The following MEI4 variants were observed in gnomAD, a reference collection of about 807,000 sequenced individuals.
MEI4 encodes the protein meiotic double-stranded break formation protein 4, also known as meiosis-specific protein MEI4.
Under a neutral mutation model 31.4 loss-of-function variants are expected in MEI4, and 27 were observed. That is an observed-to-expected ratio of 0.86 (90% CI 0.63 to 1.19). MEI4 has a LOEUF of 1.19. Among genes scored for constraint, MEI4 ranks in the 50% most tolerant of loss-of-function variants. The probability of loss-of-function intolerance (pLI) is 0.00; values close to 1 mark genes in which losing one functional copy is unlikely to be tolerated. For synonymous variants in MEI4, 122 were observed against 145.4 expected, an observed-to-expected ratio of 0.84 and a Z score of 1.16; for missense variants, 329 against 398.9, an observed-to-expected ratio of 0.82 and a Z score of 1.49.
chr6:77,714,040 C>G (rs1561955325), intron 2 of MEI4, among the ~76,000 whole-genome samples: 1 of 152,104 alleles, frequency 6.6e-6, no homozygotes, highest in Admixed American at 6.5e-5. Context: ...CCAGCTCTAT[C>G]TATGTCCCTA....
chr6:77,894,335 G>A (rs532962998), intron 4 of MEI4, among the ~76,000 whole-genome samples: 377 of 151,820 alleles, frequency 2.5e-3, no homozygotes, highest in Middle Eastern at 6.8e-3. Context: ...AAATTATATC[G>A]CAACAAACTT....
At chr6:77,733,978 C>G (rs1038320501) in intron 2 of MEI4, among the ~76,000 whole-genome samples, 2 of 152,034 alleles carry the variant, frequency 1.3e-5, no homozygotes, top group South Asian at 2.1e-4. Context: ...TTTGATTGCA[C>G]TGTGGTCTGA....
rs1491092482 is a variant in MEI4 at position 77,831,524 on chromosome 6, TAC to T, written c.900+2463_900+2464del. 5.3e-5 allele frequency among the ~76,000 whole-genome samples: 8 copies of T among 150,678 alleles called. 1 individual carries two copies. The highest frequency in any genetic ancestry group is 1.7e-4 in the African/African-American group (7 of 41,094). On this transcript the variant is annotated intron_variant, in intron 4 of 4. Transcript: ENST00000684080. The stretch of plus-strand genomic sequence containing the variant: ...AGATAATTTTATATATATATATATA[TAC>T]CAAATAATAATATTCCTCTCTCTCT...
intron 3 of MEI4, among the ~76,000 whole-genome samples, chr6:77,783,805 A>G (rs1398578): frequency 0.16 from 24,002 of 152,082 alleles, 2,282 homozygotes; most frequent in East Asian, 0.4. Flanking sequence ...AAATCAGAAC[A>G]TTTGAACAGT....
intron 4 of MEI4, among the ~76,000 whole-genome samples, chr6:77,867,142 A>G (rs1771054616): frequency 6.6e-6 from 1 of 152,194 alleles, no homozygotes; most frequent in Non-Finnish European, 1.5e-5. Context: ...CCTAGGCATT[A>G]CCATTCAGGA....
chr6:77,710,214 C>A (rs909642019), intron 2 of MEI4, among the ~76,000 whole-genome samples: 1 of 152,024 alleles, frequency 6.6e-6, no homozygotes, highest in Admixed American at 6.6e-5. Context: ...TTCCGGCAGG[C>A]CTGTAGTAGT....
At chr6:77,916,874 T>G (rs986711538) in intron 4 of MEI4, among the ~76,000 whole-genome samples, 2 of 151,808 alleles carry the variant, frequency 1.3e-5, no homozygotes, top group South Asian at 2.1e-4. Flanking sequence ...ACCCACTAAC[T>G]CGTCATCTAG....
intron 3 of MEI4, among the ~76,000 whole-genome samples, chr6:77,824,992 A>G (rs1253419215): frequency 6.6e-6 from 1 of 152,036 alleles, no homozygotes; most frequent in African/African-American, 2.4e-5. Flanking sequence ...AGTGATAATT[A>G]GGTACCTCTG....
At chr6:77,738,995 A>G (rs1767326194) in intron 2 of MEI4, among the ~76,000 whole-genome samples, 4 of 152,106 alleles carry the variant, frequency 2.6e-5, no homozygotes, top group South Asian at 2.1e-4. Context: ...TCTTTGTCAG[A>G]TGGGTAGATT....
chr6:77,747,019 G>A (rs1358032994), intron 2 of MEI4, among the ~76,000 whole-genome samples: 1 of 152,096 alleles, frequency 6.6e-6, no homozygotes, highest in Non-Finnish European at 1.5e-5. Flanking sequence ...CTGCTATAAA[G>A]AACTGCCTGA....
rs558918231 is a variant in MEI4 at position 77,856,639 on chromosome 6, A to G, written c.900+27577A>G. On this transcript the variant is annotated intron_variant, in intron 4 of 4. Coordinates refer to ENST00000684080, the MANE Select transcript of MEI4 (RefSeq NM_001322247.2). The stretch of plus-strand genomic sequence containing the variant: ...CTAGGTTCCCAGCATTGGTCCTCTC[A>G]GGGCTACAGAGTGTAAATTGCAAGA... Among the ~76,000 whole-genome samples, 9 of 152,342 alleles carry G rather than the reference A, an allele frequency of 5.9e-5. No homozygotes were observed. In the East Asian group the frequency reaches 1.7e-3, roughly 29 times the overall value.
chr6:77,771,281 GA>G (rs1271985065), intron 3 of MEI4, among the ~76,000 whole-genome samples: 1 of 151,870 alleles, frequency 6.6e-6, no homozygotes, highest in Non-Finnish European at 1.5e-5. Flanking sequence ...AAAAAAATCA[GA>G]AAAAAACAGA....
intron 2 of MEI4, among the ~76,000 whole-genome samples, chr6:77,742,271 C>T (rs566361847): frequency 2.0e-5 from 3 of 151,624 alleles, no homozygotes; most frequent in South Asian, 4.2e-4. Context: ...TCCACATCCT[C>T]TCCAGCACCT....
At chr6:77,862,460 T>C (rs2200170) in intron 4 of MEI4, among the ~76,000 whole-genome samples, 142,394 of 152,302 alleles carry the variant, frequency 0.93, 66,680 homozygotes, top group East Asian at 0.99. Context: ...CCTATGCCCA[T>C]GGAGCCTTGC....
intron 2 of MEI4, among the ~76,000 whole-genome samples, chr6:77,700,605 CACTG>C (rs1253138453): frequency 1.3e-5 from 2 of 152,240 alleles, no homozygotes; most frequent in African/African-American, 4.8e-5. Flanking sequence ...CACTGTCCTG[CACTG>C]ACTGTCTGGC....
At chr6:77,801,079 C>G (rs1465800973) in intron 3 of MEI4, among the ~76,000 whole-genome samples, 1 of 152,200 alleles carries the variant, frequency 6.6e-6, no homozygotes, top group Non-Finnish European at 1.5e-5. Context: ...ACCAGCTCCT[C>G]CTTGTACCTC....
chr6:77,921,391 A>G (rs1417988565), intron 4 of MEI4, among the ~76,000 whole-genome samples: 1 of 151,750 alleles, frequency 6.6e-6, no homozygotes, highest in Non-Finnish European at 1.5e-5. Flanking sequence ...TGGTTCAGGT[A>G]TTGGCTTAAG....
At position 77,924,504 on chromosome 6, in the gene MEI4, C is replaced by T. The variant is rs540548868; in HGVS notation, c.*1158C>T. The T allele has an allele frequency of 6.6e-6, 1 of 151,912 alleles. No homozygotes were observed. Among genetic ancestry groups the T allele is most frequent in the Admixed American group, 6.6e-5 (1 of 15,218 alleles). 9.4% of individuals were successfully genotyped at this position (151,912 alleles called of 1,614,324 possible). A position where few individuals can be genotyped will look rare whatever the true frequency, so the allele number is the denominator to read the frequency against. ...TCACAAAATATCTATCAGTGGCATACAACAATAATATTTCTCAGATATATG... is the reference window on the plus strand; with the variant it reads ...TCACAAAATATCTATCAGTGGCATATAACAATAATATTTCTCAGATATATG... On this transcript the variant is annotated 3_prime_UTR_variant, in exon 5 of 5. Transcript: ENST00000684080.
At chr6:77,674,051 T>G (rs1007419398) in intron 1 of MEI4, among the ~76,000 whole-genome samples, 19 of 152,210 alleles carry the variant, frequency 1.2e-4, no homozygotes, top group African/African-American at 4.6e-4. Flanking sequence ...GAGAGGTGTT[T>G]CAGGTAGAAC....
Sources: allele counts gnomAD v4.1 joint callset (sites outside exome capture counted in the v4.1 genomes callset), GRCh38; gene constraint gnomAD v4.1.1; transcripts MANE v1.5; gene names NCBI Gene and HGNC (gene_info 2026-07-23, HGNC 2026-07-21).